ZNF705B: variants seen among roughly 807,000 people sequenced by gnomAD.
ZNF705B encodes Putative zinc finger protein 705D-like protein LOC100132396.
In ZNF705B, 1 loss-of-function variant was observed where a neutral mutation model predicts 10.5. The ratio of observed to expected loss-of-function variants is 0.10; its 90% CI spans 0.03 to 0.45. The LOEUF (loss-of-function observed/expected upper bound fraction) is 0.45. Ranked by LOEUF, ZNF705B falls within the 20% of genes least tolerant of loss-of-function variation. The pLI is 0.97. For synonymous variants in ZNF705B, 4 were observed against 25.4 expected (o/e 0.16, Z 2.53); for missense variants, 14 against 84.0 (o/e 0.17, Z 3.26).
rs1447709626 is a variant in ZNF705B, at chr8:7,926,495, CAACAGAT to C, written c.-222+99_-222+105del. ...TAAGTGTAGGAGACAGGAATGTAGACAACAGATTTCAGCCTCCACTTTACTTTCTAGT... is the reference window on the plus strand; with the variant it reads ...TAAGTGTAGGAGACAGGAATGTAGACTTCAGCCTCCACTTTACTTTCTAGT... On this transcript the variant is annotated intron_variant, in intron 1 of 6. Coordinates refer to ENST00000400120, the MANE Select transcript of ZNF705B (RefSeq NM_001193630.1). 45 of 116,454 alleles carry C rather than the reference CAACAGAT, an allele frequency of 3.9e-4. 1 individual carries two copies. Among genetic ancestry groups the C allele is most frequent in the African/African-American group, 1.2e-3 (44 of 38,192 alleles). 7.2% of individuals were successfully genotyped at this position (116,454 alleles called of 1,614,324 possible).
rs1417286939 is a variant in ZNF705B at position 7,936,935 on chromosome 8, A to G, written c.-72+6499A>G. Reference sequence around the variant, plus strand: ...TTAAAATTATGATGTACCATTGTTCATTTGTAAGAATTCAAGTAACATTAG... The same window carrying G: ...TTAAAATTATGATGTACCATTGTTCGTTTGTAAGAATTCAAGTAACATTAG... On this transcript the variant is annotated intron_variant, in intron 2 of 6. Coordinates refer to ENST00000400120, the MANE Select transcript of ZNF705B (RefSeq NM_001193630.1). Among the ~76,000 whole-genome samples the G allele has an allele frequency of 1.7e-5, 2 of 120,236 alleles. 1 individual carries two copies. The highest frequency in any genetic ancestry group is 5.1e-5 in the African/African-American group (2 of 39,220). The allele number at this position is 120,236 out of a possible 152,430, so 78.9% of individuals were successfully genotyped here.
chr8:7,936,854 T>A (rs1820029955), intron 2 of ZNF705B, among the ~76,000 whole-genome samples: 1 of 119,488 alleles, frequency 8.4e-6, no homozygotes, highest in Non-Finnish European at 2.0e-5. Context: ...ATGCACTCCC[T>A]GAATCTAAAA....
chr8:7,940,293 T>TA (rs1190269350), intron 2 of ZNF705B, among the ~76,000 whole-genome samples: 1 of 149,270 alleles, frequency 6.7e-6, no homozygotes, highest in East Asian at 2.0e-4. Context: ...TGATTACATT[T>TA]AAAAAGCTGT....
At chr8:7,932,108 G>T (rs2979536) in intron 2 of ZNF705B, among the ~76,000 whole-genome samples, 1 of 120,776 alleles carries the variant, frequency 8.3e-6, no homozygotes, top group African/African-American at 2.5e-5. Context: ...CCATCACATA[G>T]ACTCCAGGCA....
rs1392159790 is a variant in ZNF705B, at chr8:7,926,752, A to G, written c.-222+355A>G. On this transcript the variant is annotated intron_variant, in intron 1 of 6. Coordinates refer to ENST00000400120, the MANE Select transcript of ZNF705B (RefSeq NM_001193630.1). ...CTTTCCCCCTTTGTTAGGGAAGTGC[A>G]ATTCAGACAACCTTTTATGCACGAC... Among the ~76,000 whole-genome samples, 2 of 115,684 alleles carry G rather than the reference A, an allele frequency of 1.7e-5. 1 individual carries two copies. Among genetic ancestry groups the G allele is most frequent in the East Asian group, 4.9e-4 (2 of 4,092 alleles). The allele number at this position is 115,684 out of a possible 152,430, so 75.9% of individuals were successfully genotyped here. A position where few individuals can be genotyped will look rare whatever the true frequency, so the allele number is the denominator to read the frequency against.
intron 2 of ZNF705B, among the ~76,000 whole-genome samples, chr8:7,940,339 A>G (rs1163008733): frequency 6.8e-6 from 1 of 147,758 alleles, no homozygotes; most frequent in Non-Finnish European, 1.5e-5. Context: ...GAGCTTGGGG[A>G]TAAGTATACA....
chr8:7,927,642 C>G (rs1407019784), intron 1 of ZNF705B, among the ~76,000 whole-genome samples: 1 of 121,904 alleles, frequency 8.2e-6, no homozygotes, highest in Non-Finnish European at 1.9e-5. Flanking sequence ...TAGCCATCAC[C>G]AAATAAACAG....
chr8:7,926,631 C>A (rs1388625020), intron 1 of ZNF705B, among the ~76,000 whole-genome samples: 1 of 100,088 alleles, frequency 1.0e-5, no homozygotes, highest in Non-Finnish European at 2.4e-5. Context: ...AAATCTAATC[C>A]CCAATGCAAT....
intron 1 of ZNF705B, among the ~76,000 whole-genome samples, chr8:7,928,066 C>A (rs557798029): frequency 3.3e-5 from 4 of 121,838 alleles, no homozygotes; most frequent in Non-Finnish European, 7.8e-5. Flanking sequence ...TCTCACAGTT[C>A]TCGAGGTTGG....
Position 7,937,217 on chromosome 8 carries a change from G to A in ZNF705B, c.-72+6781G>A, listed in dbSNP as rs1236710693. Among the ~76,000 whole-genome samples the A allele has an allele frequency of 2.0e-4, 24 of 118,804 alleles. 9 individuals carry two copies. The highest frequency in any genetic ancestry group is 6.0e-5 in the Non-Finnish European group (3 of 49,904). The allele number at this position is 118,804 out of a possible 152,430, so 77.9% of individuals were successfully genotyped here. On this transcript the variant is annotated intron_variant, in intron 2 of 6. Coordinates refer to ENST00000400120, the MANE Select transcript of ZNF705B (RefSeq NM_001193630.1). ...ACAGCACTAAGGCTTGGTATTCTGA[G>A]CCTCATTCTATTTTCCACTCTTGCC...
chr8:7,937,553 G>T (rs1406043569), intron 2 of ZNF705B, among the ~76,000 whole-genome samples: 5 of 118,300 alleles, frequency 4.2e-5, no homozygotes, highest in Non-Finnish European at 1.0e-4. Flanking sequence ...ATTTTCTGGG[G>T]TTATATATGT....
chr8:7,928,795 A>T (rs1490431589), intron 1 of ZNF705B, among the ~76,000 whole-genome samples: 2 of 101,584 alleles, frequency 2.0e-5, no homozygotes, highest in Non-Finnish European at 4.7e-5. Flanking sequence ...CAAGGAAAAA[A>T]TGTAATTTCC....
chr8:7,927,716 AG>A (rs1819736274), intron 1 of ZNF705B, among the ~76,000 whole-genome samples: 2 of 145,706 alleles, frequency 1.4e-5, no homozygotes, highest in Non-Finnish European at 3.1e-5. Flanking sequence ...TGAATGGCAG[AG>A]CAAAAGTTTT....
In ZNF705B at chr8:7,928,634, G is replaced by A. The variant is rs139040807; in HGVS notation, c.-221-1653G>A. Among the ~76,000 whole-genome samples the A allele has an allele frequency of 9.5e-4, 100 of 105,056 alleles. 1 individual carries two copies. Among genetic ancestry groups the A allele is most frequent in the African/African-American group, 2.4e-3 (88 of 37,186 alleles). The allele number at this position is 105,056 out of a possible 152,430, so 68.9% of individuals were successfully genotyped here. ...TTTAATTCCTTTACCATAAAAATGCGTTGCACTACATGATTAAGAAACTCT... is the reference window on the plus strand; with the variant it reads ...TTTAATTCCTTTACCATAAAAATGCATTGCACTACATGATTAAGAAACTCT... On this transcript the variant is annotated intron_variant, in intron 1 of 6. Coordinates refer to ENST00000400120, the MANE Select transcript of ZNF705B (RefSeq NM_001193630.1).
In ZNF705B at chr8:7,948,153, A is replaced by G. The variant is rs775173984; in HGVS notation, c.12+720A>G. Among the ~76,000 whole-genome samples, 257 of 30,744 alleles carry G rather than the reference A, an allele frequency of 8.4e-3. 13 individuals are homozygous for G. The highest frequency in any genetic ancestry group is 0.052 in the Middle Eastern group (3 of 58). The allele number at this position is 30,744 out of a possible 152,430, so 20.2% of individuals were successfully genotyped here. A position where few individuals can be genotyped will look rare whatever the true frequency, so the allele number is the denominator to read the frequency against. On this transcript the variant is annotated intron_variant, in intron 3 of 6. Coordinates refer to ENST00000400120, the MANE Select transcript of ZNF705B (RefSeq NM_001193630.1). Reference sequence around the variant, plus strand: ...TATAATTATTTAATTATGGTTGCACACTCAGAAGAAGGAATATAGTAGATA... The same window carrying G: ...TATAATTATTTAATTATGGTTGCACGCTCAGAAGAAGGAATATAGTAGATA...
intron 2 of ZNF705B, among the ~76,000 whole-genome samples, chr8:7,940,490 T>A (rs2739918): frequency 2.2e-5 from 2 of 89,556 alleles, no homozygotes; most frequent in African/African-American, 6.9e-5. Context: ...TTTTAAGTAT[T>A]TAATACAGTA....
At position 7,932,497 on chromosome 8, in the gene ZNF705B, A is replaced by T. The variant is rs1819877910; in HGVS notation, c.-72+2061A>T. On this transcript the variant is annotated intron_variant, in intron 2 of 6. Coordinates refer to ENST00000400120, the MANE Select transcript of ZNF705B (RefSeq NM_001193630.1). ...ATATTCTATGTGATGGCTTTAATATATGTGTCCAAACTGCTTCTTTTCTAG... is the reference window on the plus strand; with the variant it reads ...ATATTCTATGTGATGGCTTTAATATTTGTGTCCAAACTGCTTCTTTTCTAG... Among the ~76,000 whole-genome samples, 2 of 121,340 alleles carry T rather than the reference A, an allele frequency of 1.6e-5. 1 individual carries two copies. Among genetic ancestry groups the T allele is most frequent in the Non-Finnish European group, 4.0e-5 (2 of 50,596 alleles). 79.6% of individuals were successfully genotyped at this position (121,340 alleles called of 152,430 possible).
At chr8:7,941,086 T>C in intron 2 of ZNF705B, among the ~76,000 whole-genome samples, 1 of 149,266 alleles carries the variant, frequency 6.7e-6, no homozygotes, top group Non-Finnish European at 1.5e-5. Context: ...ATCCAGTCTG[T>C]CACTGATGGA....
At chr8:7,927,319 A>G (rs1819719363) in intron 1 of ZNF705B, among the ~76,000 whole-genome samples, 1 of 120,912 alleles carries the variant, frequency 8.3e-6, no homozygotes, top group Non-Finnish European at 2.0e-5. Flanking sequence ...TCCAGGCCTT[A>G]TGGAGGAAAG....
Sources: gnomAD v4.1 joint callset for allele counts (sites outside exome capture counted in the v4.1 genomes callset) on GRCh38, gnomAD v4.1.1 for gene constraint, MANE v1.5 for transcripts, NCBI Gene and HGNC (gene_info 2026-07-23, HGNC 2026-07-21) for gene names.